PDE1C: variants seen among roughly 807,000 people sequenced by gnomAD.
PDE1C encodes the protein phosphodiesterase 1C, also known as dual specificity calcium/calmodulin-dependent 3',5'-cyclic nucleotide phosphodiesterase 1C.
Under a neutral mutation model 93.1 loss-of-function variants are expected in PDE1C, and 62 were observed. The observed-to-expected ratio is 0.67, with a 90% CI of 0.54 to 0.82. PDE1C has a LOEUF of 0.82. PDE1C is among the 40% of genes least tolerant of loss of function. PDE1C has a pLI of 0.00. For synonymous variants in PDE1C, 325 were observed against 310.1 expected (o/e 1.05, Z -0.50); for missense variants, 742 against 884.6 (o/e 0.84, Z 2.04).
At chr7:32,330,419 G>A (rs190069478) in intron 1 of PDE1C, among the ~76,000 whole-genome samples, 15 of 152,330 alleles carry the variant, frequency 9.8e-5, no homozygotes, top group Admixed American at 4.6e-4. Context: ...TGGTGAGCTC[G>A]CAGTGCTAAG....
chr7:31,848,178 C>T, intron 8 of PDE1C, 82 bp from the exon 9 acceptor site: 1 of 1,340,674 alleles, frequency 7.5e-7, no homozygotes, highest in South Asian at 1.3e-5. Flanking sequence ...GAACGCACCA[C>T]CACTTTTTTC....
At chr7:31,966,540 G>C (rs529602948) in intron 2 of PDE1C, among the ~76,000 whole-genome samples, 3 of 152,186 alleles carry the variant, frequency 2.0e-5, no homozygotes, top group African/African-American at 4.8e-5. Flanking sequence ...GTCAACATTA[G>C]ACAGATCAAT....
At chr7:31,877,943 A>G (rs761054361) in intron 5 of PDE1C, 27 bp downstream of exon 5, 3 of 1,506,442 alleles carry the variant, frequency 2.0e-6, no homozygotes, top group Admixed American at 1.7e-5. Context: ...TACCATGTAC[A>G]TTGTAAAATC....
intron 2 of PDE1C, among the ~76,000 whole-genome samples, chr7:31,949,601 A>G (rs6950086): frequency 0.95 from 144,796 of 152,278 alleles, 69,248 homozygotes; most frequent in East Asian, 1. Flanking sequence ...TCTTAAGGAA[A>G]TCAGTAATGG....
At position 32,417,548 on chromosome 7, in the gene PDE1C, T is replaced by C. The variant is rs537453135; in HGVS notation, c.310+10274A>G. ...TTCGAGTAACTTGCCCCATTAATCA[T>C]GGGCAGAGCCCAGATTCTAACTCCA... On this transcript the variant is annotated intron_variant, in intron 1 of 1. Coordinates refer to the PDE1C transcript ENST00000672256. Among the ~76,000 whole-genome samples, 4 of 152,094 alleles carry C rather than the reference T, an allele frequency of 2.6e-5. No individual in the cohort carries two copies. The East Asian group carries it at 5.8e-4, about 22-fold the overall frequency.
In PDE1C at chr7:32,061,527, C is replaced by T. The variant is rs1370286071; in HGVS notation, c.101+8766G>A. Reference sequence around the variant, plus strand: ...TCTTGCCAGAGCCAGAGAGCCTCCACGCAGCCAAGCTTCACTTGGCCCTTC... The same window carrying T: ...TCTTGCCAGAGCCAGAGAGCCTCCATGCAGCCAAGCTTCACTTGGCCCTTC... On this transcript the variant is annotated intron_variant, in intron 1 of 17. Transcript: ENST00000396191. Among the ~76,000 whole-genome samples the T allele has an allele frequency of 3.3e-5, 5 of 152,264 alleles. No individual in the cohort carries two copies. The South Asian group carries it at 6.2e-4, about 19-fold the overall frequency.
intron 1 of PDE1C, among the ~76,000 whole-genome samples, chr7:32,292,442 A>G (rs1812395137): frequency 6.6e-6 from 1 of 152,224 alleles, no homozygotes; most frequent in South Asian, 2.1e-4. Flanking sequence ...AAATATTTTC[A>G]GAATCCTAAA....
intron 2 of PDE1C, among the ~76,000 whole-genome samples, chr7:32,003,249 T>A (rs1009088217): frequency 6.6e-6 from 1 of 152,206 alleles, no homozygotes; most frequent in Non-Finnish European, 1.5e-5. Context: ...ATTAGGGCAA[T>A]GGAGCACCCA....
chr7:31,827,594 T>C (rs969348104), intron 12 of PDE1C, among the ~76,000 whole-genome samples: 2 of 152,016 alleles, frequency 1.3e-5, no homozygotes, highest in Non-Finnish European at 1.5e-5. Context: ...ATATACATTA[T>C]AAAAAAAGCA....
intron 1 of PDE1C, among the ~76,000 whole-genome samples, chr7:32,259,326 T>C (rs1171994302): frequency 1.3e-5 from 2 of 152,196 alleles, no homozygotes; most frequent in Non-Finnish European, 2.9e-5. Flanking sequence ...CTCCCTTCCA[T>C]CATCAGCTCT....
At chr7:31,738,384 A>G in the PDE1C span, among the ~76,000 whole-genome samples, 1 of 152,348 alleles carries the variant, frequency 6.6e-6, no homozygotes, top group South Asian at 2.1e-4. Context: ...GTGGCAGGCA[A>G]GAGCGCTTGC....
intron 1 of PDE1C, among the ~76,000 whole-genome samples, chr7:32,339,048 A>AC (rs1554308604): frequency 6.1e-4 from 91 of 149,706 alleles, no homozygotes; most frequent in African/African-American, 2.1e-3. Flanking sequence ...ACACACACAC[A>AC]AAGAGTATTA....
At chr7:31,642,457 A>C in the PDE1C span, among the ~76,000 whole-genome samples, 2 of 152,234 alleles carry the variant, frequency 1.3e-5, no homozygotes, top group African/African-American at 4.8e-5. Context: ...ATATTAGACA[A>C]GGTGCCGGAA....
rs139371036 is a variant in PDE1C, at chr7:31,765,318, A to G, written c.1960+10346T>C. Among the ~76,000 whole-genome samples the G allele has an allele frequency of 2.5e-4, 38 of 152,238 alleles. No homozygotes were observed. The East Asian group carries it at 7.3e-3, about 29-fold the overall frequency. ...TCCCTCAAGGTGATGATCATCTTTA[A>G]TTTTCTCATTTATAATGTGGTTATA... On this transcript the variant is annotated intron_variant, in intron 17 of 17. Transcript: ENST00000396191.
the PDE1C span, among the ~76,000 whole-genome samples, chr7:31,686,036 G>A: frequency 3.9e-5 from 6 of 152,306 alleles, no homozygotes; most frequent in South Asian, 1.2e-3. Context: ...CATTGCCAGT[G>A]GCAAGCAGGC....
chr7:31,692,577 C>T, the PDE1C span: 3 of 1,515,136 alleles, frequency 2.0e-6, no homozygotes, highest in East Asian at 2.3e-5. Context: ...GAAGAGGCGT[C>T]TCAGCCATTT....
At chr7:31,910,434 G>C (rs1355984717) in intron 2 of PDE1C, among the ~76,000 whole-genome samples, 3 of 152,228 alleles carry the variant, frequency 2.0e-5, no homozygotes, top group Non-Finnish European at 2.9e-5. Context: ...CCTTGGTGCT[G>C]TCTTGTACCA....
At chr7:31,737,168 G>T in the PDE1C span, among the ~76,000 whole-genome samples, 1 of 150,170 alleles carries the variant, frequency 6.7e-6, no homozygotes, top group African/African-American at 2.5e-5. Context: ...TTGTAGAGAC[G>T]GTATCTCACT....
chr7:31,700,849 G>A, the PDE1C span, among the ~76,000 whole-genome samples: 1 of 152,130 alleles, frequency 6.6e-6, no homozygotes, highest in African/African-American at 2.4e-5. Flanking sequence ...AGGCATACAT[G>A]TTTACAGCAT....
Sources: gnomAD v4.1 joint callset for allele counts (sites outside exome capture counted in the v4.1 genomes callset) on GRCh38, gnomAD v4.1.1 for gene constraint, MANE v1.5 for transcripts, NCBI Gene and HGNC (gene_info 2026-07-23, HGNC 2026-07-21) for gene names.